TEX9: variants seen among roughly 807,000 people sequenced by gnomAD.
The protein encoded by TEX9 is testis-expressed protein 9.
In TEX9, 74 loss-of-function variants were observed where a neutral mutation model predicts 59.6. The observed-to-expected ratio is 1.24, with a 90% confidence interval of 1.03 to 1.51. TEX9 has a LOEUF of 1.51. Among genes scored for constraint, TEX9 ranks in the 40% most tolerant of loss-of-function variants. The pLI is 0.00. For synonymous variants in TEX9, 186 were observed against 152.2 expected (o/e 1.22, Z -1.64); for missense variants, 522 against 447.8 (o/e 1.17, Z -1.49).
At chr15:56,444,794 G>T (rs2050879978) in intron 12 of TEX9, 1 of 913,824 alleles carries the variant, frequency 1.1e-6, no homozygotes, top group South Asian at 1.8e-5. Context: ...TTTTTCATCT[G>T]TCTAGGTTAA....
intron 3 of TEX9, among the ~76,000 whole-genome samples, chr15:56,380,501 C>T (rs1189180632): frequency 3.9e-5 from 6 of 152,018 alleles, no homozygotes; most frequent in Non-Finnish European, 5.9e-5. Context: ...TTTACTATTA[C>T]CAGTGACTTT....
At chr15:56,269,048 T>C (rs560044854) in intron 1 of TEX9, among the ~76,000 whole-genome samples, 8 of 152,308 alleles carry the variant, frequency 5.3e-5, no homozygotes, top group African/African-American at 1.9e-4. Context: ...CCTTGTTTAG[T>C]CTTGGGAGGG....
chr15:56,442,905 A>C (rs1371271484), intron 12 of TEX9, among the ~76,000 whole-genome samples: 1 of 151,608 alleles, frequency 6.6e-6, no homozygotes, highest in African/African-American at 2.4e-5. Context: ...TTGGAAAGAG[A>C]AAAAGAAAAA....
chr15:56,385,437 A>G (rs1484732851), intron 4 of TEX9, among the ~76,000 whole-genome samples: 1 of 152,166 alleles, frequency 6.6e-6, no homozygotes, highest in East Asian at 1.9e-4. Context: ...CAATGCAAGG[A>G]TCAGATTAAA....
chr15:56,317,045 C>T (rs58851049), intron 1 of TEX9, among the ~76,000 whole-genome samples: 7,009 of 152,162 alleles, frequency 0.046, 575 homozygotes, highest in East Asian at 0.37. Flanking sequence ...CCTGCGCCCA[C>T]TGTCTGGCAC....
At position 56,283,048 on chromosome 15, in the gene TEX9, T is replaced by G. The variant is rs74018618; in HGVS notation, c.-107+38770T>G. Reference sequence around the variant, plus strand: ...TTTTATTTATAGTGTGTACATTGTGTGGTGTGTGTGTGTGTGTGTGTGTGT... The same window carrying G: ...TTTTATTTATAGTGTGTACATTGTGGGGTGTGTGTGTGTGTGTGTGTGTGT... On this transcript the variant is annotated intron_variant, in intron 1 of 5. Transcript: ENST00000560827. 9.9e-3 allele frequency among the ~76,000 whole-genome samples: 689 copies of G among 69,916 alleles called. 9 individuals carry two copies. The highest frequency in any genetic ancestry group is 0.039 in the African/African-American group (671 of 17,378). The allele number at this position is 69,916 out of a possible 152,430, so 45.9% of individuals were successfully genotyped here. A position where few individuals can be genotyped will look rare whatever the true frequency, so the allele number is the denominator to read the frequency against.
At position 56,273,040 on chromosome 15, in the gene TEX9, G is replaced by A. The variant is rs946130181; in HGVS notation, c.-107+28762G>A. Among the ~76,000 whole-genome samples the A allele has an allele frequency of 2.6e-5, 4 of 151,602 alleles. No homozygotes were observed. In the South Asian group the frequency reaches 6.2e-4, roughly 24 times the overall value. The stretch of plus-strand genomic sequence containing the variant: ...GCTATCTCAACTCAGTGCAACCTCC[G>A]CCTCCCGAGTTCAAGCAATTCTTCT... On this transcript the variant is annotated intron_variant, in intron 1 of 5. Coordinates refer to the TEX9 transcript ENST00000560827.
chr15:56,398,645 C>T (rs942193086), intron 9 of TEX9, among the ~76,000 whole-genome samples: 24 of 152,306 alleles, frequency 1.6e-4, no homozygotes, highest in African/African-American at 5.5e-4. Context: ...TCATTCATCC[C>T]TTATTTTCAG....
chr15:56,302,347 A>ACG (rs1410006212), intron 1 of TEX9, among the ~76,000 whole-genome samples: 1 of 150,864 alleles, frequency 6.6e-6, no homozygotes, highest in Non-Finnish European at 1.5e-5. Flanking sequence ...ACACACACAC[A>ACG]CACACACACA....
At chr15:56,285,208 G>A (rs960050089) in intron 1 of TEX9, among the ~76,000 whole-genome samples, 26 of 151,968 alleles carry the variant, frequency 1.7e-4, no homozygotes, top group Non-Finnish European at 3.1e-4. Context: ...CTTGATTTTC[G>A]TGTCTCTGAA....
chr15:56,392,375 G>A (rs1321418592), intron 7 of TEX9, among the ~76,000 whole-genome samples: 1 of 152,068 alleles, frequency 6.6e-6, no homozygotes, highest in African/African-American at 2.4e-5. Context: ...GTGGGATCAC[G>A]AACAAGAGAC....
At chr15:56,383,616 T>G (rs35497167) in intron 3 of TEX9, among the ~76,000 whole-genome samples, 53,120 of 152,052 alleles carry the variant, frequency 0.35, 10,625 homozygotes, top group Non-Finnish European at 0.45. Flanking sequence ...ATTTATTTTT[T>G]AAATTTCTTG....
chr15:56,378,420 T>C (rs1458947702), intron 3 of TEX9, among the ~76,000 whole-genome samples: 1 of 152,168 alleles, frequency 6.6e-6, no homozygotes, highest in Non-Finnish European at 1.5e-5. Context: ...TGTTTAGTTT[T>C]GGATTTCTTC....
intron 1 of TEX9, among the ~76,000 whole-genome samples, chr15:56,277,930 C>T (rs1403959676): frequency 6.6e-6 from 1 of 152,090 alleles, no homozygotes; most frequent in East Asian, 1.9e-4. Flanking sequence ...GGAAGAAATT[C>T]TCCCTCTTGA....
At chr15:56,259,560 A>G (rs78417048) in intron 1 of TEX9, among the ~76,000 whole-genome samples, 4,211 of 152,162 alleles carry the variant, frequency 0.028, 196 homozygotes, top group African/African-American at 0.095. Flanking sequence ...TCAAGTATAT[A>G]TATGAGCCTA....
At chr15:56,357,064 T>C (rs2046698973) in intron 1 of TEX9, among the ~76,000 whole-genome samples, 2 of 152,138 alleles carry the variant, frequency 1.3e-5, no homozygotes, top group South Asian at 2.1e-4. Context: ...TTTCCTGAGA[T>C]AGAGTGCTGA....
At chr15:56,439,419 A>G (rs1400944080) in intron 12 of TEX9, among the ~76,000 whole-genome samples, 1 of 143,224 alleles carries the variant, frequency 7.0e-6, no homozygotes, top group African/African-American at 2.6e-5. Context: ...AAAAATTCAT[A>G]TGGAAAGGCA....
At chr15:56,357,300 A>T (rs192196709) in intron 1 of TEX9, among the ~76,000 whole-genome samples, 1 of 152,252 alleles carries the variant, frequency 6.6e-6, no homozygotes, top group African/African-American at 2.4e-5. Flanking sequence ...CATTGTAGCT[A>T]TTAAAACACC....
chr15:56,269,910 C>T (rs1379724365), intron 1 of TEX9, among the ~76,000 whole-genome samples: 2 of 152,110 alleles, frequency 1.3e-5, no homozygotes, highest in African/African-American at 4.8e-5. Flanking sequence ...CCCACCTCGG[C>T]CTCCCAAAGT....
Sources: gnomAD v4.1 joint callset for allele counts (sites outside exome capture counted in the v4.1 genomes callset) on GRCh38, gnomAD v4.1.1 for gene constraint, MANE v1.5 for transcripts, NCBI Gene and HGNC (gene_info 2026-07-23, HGNC 2026-07-21) for gene names.